The following OTOP3 variants were observed in gnomAD, a reference collection of about 807,000 sequenced individuals.
The protein encoded by OTOP3 is proton channel OTOP3.
OTOP3 carries 41 observed loss-of-function variants against 50.8 expected under a neutral mutation model. The observed-to-expected ratio is 0.81, with a 90% confidence interval of 0.63 to 1.05. The LOEUF is 1.05. Among genes scored for constraint, OTOP3 ranks in the 50% least tolerant of loss-of-function variants. The probability of loss-of-function intolerance (pLI) is 0.00; values close to 1 mark genes in which losing one functional copy is unlikely to be tolerated. For missense variants in OTOP3, 788 were observed against 760.8 expected, an observed-to-expected ratio of 1.04 and a Z score of -0.42; for synonymous variants, 320 against 324.4, an observed-to-expected ratio of 0.99 and a Z score of 0.14.
chr17:74,935,998 T>G, intron 1 of OTOP3, 58 bp downstream of exon 1: 1 of 1,534,840 alleles, frequency 6.5e-7, no homozygotes, highest in Non-Finnish European at 8.7e-7. Flanking sequence ...CACTGGCACA[T>G]ACTACCCACC....
chr17:74,940,855 G>A (rs1389127243), intron 1 of OTOP3, among the ~76,000 whole-genome samples: 1 of 152,148 alleles, frequency 6.6e-6, no homozygotes, highest in African/African-American at 2.4e-5. Context: ...ATACAGTATT[G>A]TTTCAGATCA....
intron 1 of OTOP3, among the ~76,000 whole-genome samples, chr17:74,936,961 C>CCCCTTT (rs1555629576): frequency 5.9e-5 from 6 of 101,322 alleles, no homozygotes; most frequent in East Asian, 2.9e-4. Flanking sequence ...CCCCCCCACC[C>CCCCTTT]TTTTTTTTTT....
At chr17:74,948,753 A>C (rs2039252497) in intron 6 of OTOP3, among the ~76,000 whole-genome samples, 1 of 151,276 alleles carries the variant, frequency 6.6e-6, no homozygotes. Context: ...TGGGAGGATC[A>C]CTTGAGCCCG....
rs747011485 is a variant in OTOP3 at position 74,942,053 on chromosome 17, C to T, written c.573+16C>T. On this transcript the variant is annotated intron_variant, in intron 3 of 6. Coordinates refer to ENST00000328801, the MANE Select transcript of OTOP3 (RefSeq NM_001272005.2). ...CGGCGTCCAGGTGACAGGCTTCTCA[C>T]GTCCCCACATCACCGAGGACATACC... is the stretch of plus-strand genomic sequence containing the variant. 1.1e-5 allele frequency: 17 copies of T among 1,597,582 alleles called. No homozygotes were observed. Among genetic ancestry groups the T allele is most frequent in the African/African-American group, 8.0e-5 (6 of 74,618 alleles).
At chr17:74,944,281 TGGC>T (rs2039205584) in intron 5 of OTOP3, among the ~76,000 whole-genome samples, 1 of 152,042 alleles carries the variant, frequency 6.6e-6, no homozygotes, top group Non-Finnish European at 1.5e-5. Flanking sequence ...CCGCCCCGGG[TGGC>T]ATCACCATCA....
rs2039235748 is a variant in OTOP3, at chr17:74,947,139, C to T, written c.1230C>T (p.Gly410=). 1 of 1,614,110 alleles carries T rather than the reference C, an allele frequency of 6.2e-7. No individual in the cohort carries two copies. Residue 410 remains glycine, a synonymous_variant, in exon 6 of 7, where the codon GGC becomes GGT. Coordinates refer to ENST00000328801, the MANE Select transcript of OTOP3 (RefSeq NM_001272005.2). ...TGGGTGCTGCACTGGGCCAGATGGG[C>T]ATCGCCTATTTCTCCATCGTGGCCA... The part of the protein sequence containing the change: ...LLMGAALGQM[G]IAYFSIVAIV...
At chr17:74,943,912 C>T (rs1312606601) in intron 5 of OTOP3, among the ~76,000 whole-genome samples, 188 bp downstream of exon 5, 1 of 152,116 alleles carries the variant, frequency 6.6e-6, no homozygotes, top group Non-Finnish European at 1.5e-5. Context: ...GTCCCCATCC[C>T]ACCCCATCAG....
Position 74,936,961 on chromosome 17 carries a change from CT to C in OTOP3, c.19+1040del, listed in dbSNP as rs1191319023. ...ATTCGGCATTCATCACCCCCCCACC[CT>C]TTTTTTTTTTTTTTTTTTGAGACAG... On this transcript the variant is annotated intron_variant, in intron 1 of 6. Transcript: ENST00000328801. Among the ~76,000 whole-genome samples, 776 of 101,116 alleles carry C rather than the reference CT, an allele frequency of 7.7e-3. 3 individuals carry two copies. Among genetic ancestry groups the C allele is most frequent in the African/African-American group, 0.019 (543 of 27,932 alleles). The allele number at this position is 101,116 out of a possible 152,430, so 66.3% of individuals were successfully genotyped here. A position where few individuals can be genotyped will look rare whatever the true frequency, so the allele number is the denominator to read the frequency against.
rs774299910 is a variant in OTOP3, at chr17:74,946,683, G to A, written c.774G>A (p.Leu258=). The A allele has an allele frequency of 1.2e-6, 2 of 1,611,122 alleles. No homozygotes were observed. The highest frequency in any genetic ancestry group is 1.7e-6 in the Non-Finnish European group (2 of 1,178,940). ...KSTGNETNTC[L]CLNATACEAF... ...CAGGCAATGAGACCAACACCTGTCT[G>A]TGCCTCAATGCCACCGCGTGTGAAG... The change falls in exon 6 of 7, where the codon CTG becomes CTA. Residue 258 remains leucine, a synonymous_variant. Coordinates refer to ENST00000328801, the MANE Select transcript of OTOP3 (RefSeq NM_001272005.2).
In OTOP3 at chr17:74,947,312, C is replaced by A; in HGVS notation, c.1403C>A (p.Ala468Glu). Residue 468 changes from alanine to glutamate, a missense_variant, in exon 6 of 7, where the codon GCA (alanine) becomes GAA (glutamate). Transcript: ENST00000328801. ...TGGGAGACAGTTCCCGAGGGCCTGGCAGGAAAGCAGGAGGCTGAGCCTCCC... is the reference window on the plus strand; with the variant it reads ...TGGGAGACAGTTCCCGAGGGCCTGGAAGGAAAGCAGGAGGCTGAGCCTCCC... The part of the protein sequence containing the change: ...PLWETVPEGL[A>E]GKQEAEPPRR... 1 of 1,613,352 alleles carries A rather than the reference C, an allele frequency of 6.2e-7. No individual in the cohort carries two copies. The highest frequency in any genetic ancestry group is 8.5e-7 in the Non-Finnish European group (1 of 1,179,874).
At chr17:74,946,634 G>A (rs757767759) in intron 5 of OTOP3, 27 bp from the exon 6 acceptor site, 3 of 1,573,054 alleles carry the variant, frequency 1.9e-6, no homozygotes, top group Non-Finnish European at 2.6e-6. Context: ...CTGAATGTCT[G>A]TCCCTCCCAC....
chr17:74,937,744 T>C (rs1029026073), intron 1 of OTOP3, among the ~76,000 whole-genome samples: 2 of 151,514 alleles, frequency 1.3e-5, no homozygotes, highest in African/African-American at 4.9e-5. Flanking sequence ...GTTTGGGGGG[T>C]CCAAGTTAAG....
chr17:74,943,818 G>C (rs1400191030), intron 5 of OTOP3, 94 bp downstream of exon 5: 4 of 1,088,342 alleles, frequency 3.7e-6, no homozygotes, highest in African/African-American at 1.6e-5. Flanking sequence ...CTCTAAAACA[G>C]GTGAGGCTCA....
intron 5 of OTOP3, 28 bp from the exon 6 acceptor site, chr17:74,946,633 T>C: frequency 6.4e-7 from 1 of 1,570,664 alleles, no homozygotes; most frequent in Non-Finnish European, 8.7e-7. Flanking sequence ...CCTGAATGTC[T>C]GTCCCTCCCA....
In OTOP3 at chr17:74,946,843, G is replaced by A. The variant is rs569900376; in HGVS notation, c.934G>A (p.Ala312Thr). Reference protein sequence around the residue: ...APHMGAHPATAPFHLHGAIFG... With the variant: ...APHMGAHPATTPFHLHGAIFG... ...CCACATGGGTGCCCACCCTGCCACC[G>A]CACCCTTCCACCTGCACGGGGCCAT... Residue 312 changes from alanine to threonine, a missense_variant, in exon 6 of 7, where the codon GCA becomes ACA. By Grantham distance (58) the Ala-to-Thr change is moderately conservative. Transcript: ENST00000328801. The A allele has an allele frequency of 1.2e-5, 19 of 1,610,686 alleles. No homozygotes were observed. The highest frequency in any genetic ancestry group is 6.7e-5 in the East Asian group (3 of 44,888).
chr17:74,939,770 A>G (rs1204523410), intron 1 of OTOP3, among the ~76,000 whole-genome samples: 1 of 152,192 alleles, frequency 6.6e-6, no homozygotes, highest in African/African-American at 2.4e-5. Flanking sequence ...AATAGAAGCC[A>G]GTTCCTTCAA....
chr17:74,948,140 T>C (rs1019854158), intron 6 of OTOP3, among the ~76,000 whole-genome samples: 5 of 152,138 alleles, frequency 3.3e-5, no homozygotes, highest in Admixed American at 6.5e-5. Context: ...TGGGCCTGCA[T>C]AGCCAAGGAA....
At chr17:74,936,952 C>CT (rs2039122866) in intron 1 of OTOP3, among the ~76,000 whole-genome samples, 1 of 75,526 alleles carries the variant, frequency 1.3e-5, no homozygotes, top group Non-Finnish European at 2.4e-5. Flanking sequence ...CATTCATCAC[C>CT]CCCCCACCCT....
chr17:74,945,051 G>A (rs573972906), intron 5 of OTOP3, among the ~76,000 whole-genome samples: 8 of 151,936 alleles, frequency 5.3e-5, no homozygotes, highest in African/African-American at 1.7e-4. Flanking sequence ...GGGCTCAAGC[G>A]ATCCTCCCAC....
Sources: gnomAD v4.1 joint callset for allele counts (sites outside exome capture counted in the v4.1 genomes callset) on GRCh38, gnomAD v4.1.1 for gene constraint, MANE v1.5 for transcripts, NCBI Gene and HGNC (gene_info 2026-07-23, HGNC 2026-07-21) for gene names.